The following GOLT1A variants were observed in gnomAD, a reference collection of about 807,000 sequenced individuals.
The protein encoded by GOLT1A is vesicle transport protein GOT1A.
GOLT1A carries 10 observed loss-of-function variants against 16.1 expected under a neutral mutation model. That is an observed-to-expected ratio of 0.62 (90% CI 0.38 to 1.05). The LOEUF is 1.05. Ranked by LOEUF, GOLT1A falls within the 50% of genes least tolerant of loss-of-function variation. The pLI, the probability that GOLT1A is intolerant of heterozygous loss-of-function variation, is 0.01. For synonymous variants in GOLT1A, 60 were observed against 67.9 expected (o/e 0.88, Z 0.57); for missense variants, 137 against 165.7 (o/e 0.83, Z 0.95).
At chr1:204,208,499 TATAAAA>T (rs1230451233) in intron 1 of GOLT1A, among the ~76,000 whole-genome samples, 1,470 of 110,946 alleles carry the variant, frequency 0.013, 78 homozygotes, top group South Asian at 0.033. Flanking sequence ...TATATATATA[TATAAAA>T]AATGAACTAC....
chr1:204,212,918 G>A (rs191533920), intron 1 of GOLT1A, among the ~76,000 whole-genome samples: 22 of 152,164 alleles, frequency 1.4e-4, no homozygotes, highest in African/African-American at 4.6e-4. Flanking sequence ...GTATGCTAAT[G>A]CCTCAGGGCC....
chr1:204,212,152 T>TC (rs1659146583), intron 1 of GOLT1A, among the ~76,000 whole-genome samples: 1 of 151,772 alleles, frequency 6.6e-6, no homozygotes, highest in Non-Finnish European at 1.5e-5. Context: ...AATTCCTGCT[T>TC]CCCCCCACTC....
chr1:204,211,907 C>T lies in GOLT1A; in HGVS notation c.25+1975G>A, dbSNP rs537131784. 1.5e-3 allele frequency among the ~76,000 whole-genome samples: 234 copies of T among 152,212 alleles called. 2 individuals carry two copies. The highest frequency in any genetic ancestry group is 5.4e-3 in the African/African-American group (225 of 41,522). ...TAATGTACAGGACAGGCCCCCACAA[C>T]AAAGAATTATCCTGCCCCAAAATGT... On this transcript the variant is annotated intron_variant, in intron 1 of 4. Transcript: ENST00000308302.
At chr1:204,206,698 T>C (rs1659043996) in intron 1 of GOLT1A, among the ~76,000 whole-genome samples, 1 of 152,280 alleles carries the variant, frequency 6.6e-6, no homozygotes, top group African/African-American at 2.4e-5. Context: ...GGAAACACGA[T>C]GTGCACATTT....
intron 1 of GOLT1A, among the ~76,000 whole-genome samples, chr1:204,212,167 C>T (rs1659147028): frequency 6.6e-6 from 1 of 152,174 alleles, no homozygotes. Context: ...CCACTCAACC[C>T]TTCCCATTGC....
chr1:204,198,428 A>G lies in GOLT1A; in HGVS notation c.*30T>C. On this transcript the variant is annotated 3_prime_UTR_variant, in exon 5 of 5. Transcript: ENST00000308302. ...CTCCCTCTAGCCCCCTCAACCAATG[A>G]TCCAAGTTCAAGGAGCTCATCTCTG... 1 of 1,610,012 alleles carries G rather than the reference A, an allele frequency of 6.2e-7. No homozygotes were observed. Among genetic ancestry groups the G allele is most frequent in the Non-Finnish European group, 8.5e-7 (1 of 1,176,648 alleles).
chr1:204,213,483 G>T (rs1659169564), intron 1 of GOLT1A, among the ~76,000 whole-genome samples: 1 of 152,234 alleles, frequency 6.6e-6, no homozygotes, highest in Admixed American at 6.5e-5. Flanking sequence ...GGTCAGGGGA[G>T]TGGAGTTTAG....
intron 1 of GOLT1A, 139 bp downstream of exon 1, chr1:204,213,743 A>G: frequency 1.1e-6 from 1 of 919,892 alleles, no homozygotes. Flanking sequence ...CTGCTGCCCC[A>G]GGGTGCCAGC....
intron 2 of GOLT1A, among the ~76,000 whole-genome samples, chr1:204,202,220 C>T (rs1296801189): frequency 1.3e-5 from 2 of 151,700 alleles, no homozygotes; most frequent in Non-Finnish European, 2.9e-5. Flanking sequence ...AGAGGCTCCA[C>T]TGCCTACAGA....
chr1:204,199,406 C>A, intron 3 of GOLT1A, 148 bp from the exon 4 acceptor site: 3 of 670,354 alleles, frequency 4.5e-6, no homozygotes, highest in Non-Finnish European at 8.2e-6. Context: ...TTCCGAGAGA[C>A]AGTCGAGTGA....
chr1:204,203,632 A>G (rs1303230071), intron 1 of GOLT1A, among the ~76,000 whole-genome samples: 2 of 152,150 alleles, frequency 1.3e-5, no homozygotes, highest in Non-Finnish European at 2.9e-5. Flanking sequence ...TGGGACCTAT[A>G]TCCAAGACCC....
intron 4 of GOLT1A, 129 bp downstream of exon 4, chr1:204,199,066 C>G (rs1658909479): frequency 1.3e-6 from 1 of 767,002 alleles, no homozygotes; most frequent in East Asian, 2.7e-5. Context: ...CAAACCTGGG[C>G]TAGGGGGTCT....
intron 2 of GOLT1A, among the ~76,000 whole-genome samples, chr1:204,202,479 C>G (rs1658978622): frequency 1.3e-5 from 2 of 152,088 alleles, no homozygotes; most frequent in African/African-American, 4.8e-5. Flanking sequence ...TCAGTGTGCC[C>G]TCTTTCCACT....
intron 3 of GOLT1A, among the ~76,000 whole-genome samples, chr1:204,200,657 A>T (rs1308062685): frequency 3.9e-5 from 6 of 152,124 alleles, no homozygotes; most frequent in Non-Finnish European, 5.9e-5. Context: ...TATGGAATAA[A>T]TAGATGGCAG....
In GOLT1A at chr1:204,201,745, G is replaced by A. The variant is rs149024146; in HGVS notation, c.184C>T (p.Arg62Trp). ...LRKTFWFFFQ[R>W]HKLKGTSFLL... ...AAGCTGGTTCCCTTGAGTTTGTGCC[G>A]TTGGAAGAAGAACCAAAAGGTCTTC... The change falls in exon 3 of 5, where the codon CGG becomes TGG. Residue 62 changes from arginine to tryptophan, a missense_variant. By Grantham distance (101) the Arg-to-Trp change is moderately radical. Coordinates refer to ENST00000308302, the MANE Select transcript of GOLT1A (RefSeq NM_198447.2). The A allele has an allele frequency of 3.8e-5, 62 of 1,614,142 alleles. No individual in the cohort carries two copies. In the African/African-American group the frequency reaches 4.7e-4, roughly 12 times the overall value.
At chr1:204,199,442 G>T (rs1217529488) in intron 3 of GOLT1A, among the ~76,000 whole-genome samples, 184 bp from the exon 4 acceptor site, 1 of 152,048 alleles carries the variant, frequency 6.6e-6, no homozygotes, top group Non-Finnish European at 1.5e-5. Flanking sequence ...AGGCCCCAGG[G>T]TCACACTCCT....
intron 1 of GOLT1A, among the ~76,000 whole-genome samples, chr1:204,203,758 C>T (rs1302067789): frequency 6.6e-6 from 1 of 151,916 alleles, no homozygotes; most frequent in African/African-American, 2.4e-5. Flanking sequence ...GCAGTTCTGC[C>T]GAGGTTGGAC....
intron 1 of GOLT1A, among the ~76,000 whole-genome samples, chr1:204,208,474 G>GTATATATATATA (rs1175788237): frequency 9.5e-5 from 3 of 31,430 alleles, no homozygotes; most frequent in Admixed American, 3.9e-4. Flanking sequence ...GTGTGTGTGT[G>GTATATATATATA]TGTATATATA....
At chr1:204,201,891 TG>T in intron 2 of GOLT1A, 80 bp from the exon 3 acceptor site, 1 of 1,343,034 alleles carries the variant, frequency 7.4e-7, no homozygotes, top group African/African-American at 1.4e-5. Context: ...AGCCAGGCGG[TG>T]GGCTGGGACA....
Sources: allele counts gnomAD v4.1 joint callset (sites outside exome capture counted in the v4.1 genomes callset), GRCh38; gene constraint gnomAD v4.1.1; transcripts MANE v1.5; gene names NCBI Gene and HGNC (gene_info 2026-07-23, HGNC 2026-07-21).